LIPA: variants seen among roughly 807,000 people sequenced by gnomAD.
LIPA encodes the protein lipase A, lysosomal acid type.
Under a neutral mutation model 40.6 loss-of-function variants are expected in LIPA, and 26 were observed. That is an observed-to-expected ratio of 0.64 (90% CI 0.47 to 0.89). The LOEUF is 0.89. Among genes scored for constraint, LIPA ranks in the 40% least tolerant of loss-of-function variants. The pLI, the probability that LIPA is intolerant of heterozygous loss-of-function variation, is 0.00. For missense variants in LIPA, 455 were observed against 479.6 expected, an observed-to-expected ratio of 0.95 and a Z score of 0.48; for synonymous variants, 188 against 168.4, an observed-to-expected ratio of 1.12 and a Z score of -0.90.
At chr10:89,287,029 G>T (rs1192580411) in intron 1 of LIPA, among the ~76,000 whole-genome samples, 1 of 152,190 alleles carries the variant, frequency 6.6e-6, no homozygotes, top group South Asian at 2.1e-4. Flanking sequence ...TTCCTCCTAA[G>T]CTGTGTCCCA....
At chr10:89,282,803 A>T (rs1202748563) in intron 1 of LIPA, among the ~76,000 whole-genome samples, 1 of 152,200 alleles carries the variant, frequency 6.6e-6, no homozygotes, top group African/African-American at 2.4e-5. Flanking sequence ...TGCATTTCAG[A>T]GTTGAAATCA....
intron 1 of LIPA, among the ~76,000 whole-genome samples, chr10:89,321,932 A>T: frequency 6.6e-6 from 1 of 152,036 alleles, no homozygotes; most frequent in Non-Finnish European, 1.5e-5. Flanking sequence ...ACATGGATGA[A>T]GCTGGAAACC....
intron 3 of LIPA, among the ~76,000 whole-genome samples, chr10:89,230,858 T>TAAAA (rs1564757114): frequency 2.6e-5 from 4 of 152,242 alleles, no homozygotes; most frequent in South Asian, 4.1e-4. Flanking sequence ...CCAGTCTGCG[T>TAAAA]CTCAGTTCCA....
At chr10:89,231,984 G>A (rs182880251) in intron 3 of LIPA, among the ~76,000 whole-genome samples, 7 of 152,178 alleles carry the variant, frequency 4.6e-5, no homozygotes, top group South Asian at 2.1e-4. Flanking sequence ...TAGATACAGC[G>A]TCTTATGCAC....
At chr10:89,257,012 T>G (rs773742558) in intron 1 of LIPA, among the ~76,000 whole-genome samples, 2 of 152,250 alleles carry the variant, frequency 1.3e-5, no homozygotes, top group Non-Finnish European at 2.9e-5. Flanking sequence ...ATGTGCATAT[T>G]TAAAGAAGTT....
chr10:89,403,219 G>C (rs1844468697), intron 2 of LIPA: 1 of 1,614,070 alleles, frequency 6.2e-7, no homozygotes, highest in African/African-American at 1.3e-5. Flanking sequence ...GGGCAGAACA[G>C]AGAAAAGCTA....
At chr10:89,390,979 T>C (rs1032239824) in intron 2 of LIPA, among the ~76,000 whole-genome samples, 2 of 152,248 alleles carry the variant, frequency 1.3e-5, no homozygotes, top group Non-Finnish European at 2.9e-5. Flanking sequence ...CAGAAATTCT[T>C]ATTTGTGTAG....
chr10:89,322,553 A>C (rs1262806699), intron 1 of LIPA, among the ~76,000 whole-genome samples: 1 of 150,286 alleles, frequency 6.7e-6, no homozygotes, highest in Non-Finnish European at 1.5e-5. Context: ...AATGCCCCTG[A>C]AACCCCTGCC....
chr10:89,216,163 C>T (rs150961733), intron 8 of LIPA, among the ~76,000 whole-genome samples, 154 bp from the exon 9 acceptor site: 1 of 151,974 alleles, frequency 6.6e-6, no homozygotes, highest in African/African-American at 2.4e-5. Flanking sequence ...AATGAGATGG[C>T]ATGGTTTTGT....
chr10:89,368,297 C>T (rs1357773418), intron 2 of LIPA, among the ~76,000 whole-genome samples: 1 of 152,250 alleles, frequency 6.6e-6, no homozygotes, highest in African/African-American at 2.4e-5. Flanking sequence ...TCTGGCTACA[C>T]TTCTATGTAT....
chr10:89,392,478 C>CCA (rs1554880530), intron 2 of LIPA: 1 of 258,036 alleles, frequency 3.9e-6, no homozygotes, highest in Non-Finnish European at 7.1e-6. Context: ...CCCACCCCCC[C>CCA]CCGTCAGCAG....
At chr10:89,325,994 G>A (rs1843596309) in intron 1 of LIPA, among the ~76,000 whole-genome samples, 1 of 152,168 alleles carries the variant, frequency 6.6e-6, no homozygotes, top group Non-Finnish European at 1.5e-5. Flanking sequence ...TGGTGGGAAT[G>A]TAAACTATTA....
chr10:89,222,506 C>A lies in LIPA; in HGVS notation c.894+5G>T. The A allele has an allele frequency of 6.3e-7, 1 of 1,595,280 alleles. No homozygotes were observed. The highest frequency in any genetic ancestry group is 1.1e-5 in the South Asian group (1 of 90,730). Reference sequence around the variant, plus strand: ...GAACCCCAAATGCACTCCTGGAATGCCTACCTGGCTCCAGTGTAACATGTT... The same window carrying A: ...GAACCCCAAATGCACTCCTGGAATGACTACCTGGCTCCAGTGTAACATGTT... On this transcript the variant is annotated splice_donor_5th_base_variant and intron_variant, in intron 8 of 9. Transcript: ENST00000336233.
At chr10:89,393,076 C>T in intron 2 of LIPA, 1 of 1,185,494 alleles carries the variant, frequency 8.4e-7, no homozygotes, top group Non-Finnish European at 1.1e-6. Flanking sequence ...GAATGGACAG[C>T]TTGTCTGAGT....
At chr10:89,248,796 A>C (rs1843073666) in intron 1 of LIPA, among the ~76,000 whole-genome samples, 1 of 152,056 alleles carries the variant, frequency 6.6e-6, no homozygotes, top group Non-Finnish European at 1.5e-5. Flanking sequence ...AATTACTTTT[A>C]ACTAAGAAAC....
intron 1 of LIPA, among the ~76,000 whole-genome samples, chr10:89,281,464 T>C (rs1564775078): frequency 1.3e-5 from 2 of 152,040 alleles, no homozygotes; most frequent in Non-Finnish European, 2.9e-5. Context: ...TGAAAAAAAA[T>C]AAAAGTCTCT....
chr10:89,303,069 A>G (rs1843455953), intron 1 of LIPA, among the ~76,000 whole-genome samples: 1 of 151,820 alleles, frequency 6.6e-6, no homozygotes, highest in Admixed American at 6.6e-5. Flanking sequence ...GTCACCCAGA[A>G]TCTATAGAAC....
intron 4 of LIPA, 83 bp downstream of exon 4, chr10:89,228,117 A>C: frequency 8.5e-7 from 1 of 1,176,280 alleles, no homozygotes; most frequent in Non-Finnish European, 1.3e-6. Flanking sequence ...GTTACCACCT[A>C]TCTACCTCTT....
At chr10:89,412,679 C>A in intron 2 of LIPA, 1 of 400,394 alleles carries the variant, frequency 2.5e-6, no homozygotes, top group South Asian at 1.8e-5. Context: ...AGTGAAACCA[C>A]GAACCCACCG....
Sources: gnomAD v4.1 joint callset for allele counts (sites outside exome capture counted in the v4.1 genomes callset) on GRCh38, gnomAD v4.1.1 for gene constraint, MANE v1.5 for transcripts, NCBI Gene and HGNC (gene_info 2026-07-23, HGNC 2026-07-21) for gene names.